Variants in GPAT4 observed in about 807,000 individuals in gnomAD.
GPAT4 encodes glycerol-3-phosphate acyltransferase 4, also known as 1-AGP acyltransferase 6.
GPAT4 carries 17 observed loss-of-function variants against 58.0 expected under a neutral mutation model. The observed-to-expected ratio is 0.29, with a 90% CI of 0.20 to 0.44. GPAT4 has a LOEUF of 0.44. Ranked by LOEUF, GPAT4 falls within the 20% of genes least tolerant of loss-of-function variation. The probability of loss-of-function intolerance (pLI) is 1.00; values close to 1 mark genes in which losing one functional copy is unlikely to be tolerated. For synonymous variants in GPAT4, 204 were observed against 210.1 expected (o/e 0.97, Z 0.25); for missense variants, 377 against 574.5 (o/e 0.66, Z 3.51).
intron 2 of GPAT4, among the ~76,000 whole-genome samples, chr8:41,600,934 T>C (rs1049614879): frequency 6.6e-6 from 1 of 152,110 alleles, no homozygotes; most frequent in Non-Finnish European, 1.5e-5. Context: ...TCACTACTTC[T>C]CTTCTGCTTG....
At chr8:41,602,049 G>A (rs1198782467) in intron 2 of GPAT4, among the ~76,000 whole-genome samples, 1 of 152,196 alleles carries the variant, frequency 6.6e-6, no homozygotes, top group Non-Finnish European at 1.5e-5. Context: ...CCTCGTCCTG[G>A]GTTCAAGCAA....
At chr8:41,583,181 C>T (rs1315925540) in intron 1 of GPAT4, among the ~76,000 whole-genome samples, 1 of 151,832 alleles carries the variant, frequency 6.6e-6, no homozygotes, top group Non-Finnish European at 1.5e-5. Flanking sequence ...GCAGAGATCG[C>T]ACCACTGCAC....
At chr8:41,580,201 A>T (rs966592209) in intron 1 of GPAT4, among the ~76,000 whole-genome samples, 7 of 152,236 alleles carry the variant, frequency 4.6e-5, no homozygotes, top group African/African-American at 1.7e-4. Flanking sequence ...TTCTGATAAT[A>T]GTTTTTAGGG....
rs985824755 is a variant in GPAT4, at chr8:41,614,533, G to C, written c.967+92G>C. The C allele has an allele frequency of 1.8e-5, 23 of 1,294,074 alleles. No homozygotes were observed. In the African/African-American group the frequency reaches 2.8e-4, roughly 16 times the overall value. The allele number at this position is 1,294,074 out of a possible 1,614,324, so 80.2% of individuals were successfully genotyped here. A position where few individuals can be genotyped will look rare whatever the true frequency, so the allele number is the denominator to read the frequency against. ...CTGGGAACCAAGGCCCTCAGCCCTT[G>C]TTGGGGTTATCTGTTTTCACTGAAT... is the stretch of plus-strand genomic sequence containing the variant. On this transcript the variant is annotated intron_variant, in intron 9 of 12. Transcript: ENST00000396987.
chr8:41,592,883 C>T (rs1802832175), intron 1 of GPAT4, among the ~76,000 whole-genome samples: 1 of 152,140 alleles, frequency 6.6e-6, no homozygotes, highest in African/African-American at 2.4e-5. Context: ...ATTACTAGCT[C>T]TAAGGAGTTA....
chr8:41,602,868 T>A (rs138283173), intron 2 of GPAT4, among the ~76,000 whole-genome samples: 156 of 152,276 alleles, frequency 1.0e-3, no homozygotes, highest in Admixed American at 2.4e-3. Flanking sequence ...TTCATAGACA[T>A]CTGTCTTCTC....
At chr8:41,612,393 A>G in intron 7 of GPAT4, 120 bp downstream of exon 7, 1 of 934,192 alleles carries the variant, frequency 1.1e-6, no homozygotes, top group Non-Finnish European at 1.6e-6. Flanking sequence ...CCCCCACCTT[A>G]CTGTCACTGT....
chr8:41,607,362 A>G (rs1422973350), intron 2 of GPAT4, among the ~76,000 whole-genome samples: 3 of 152,178 alleles, frequency 2.0e-5, no homozygotes, highest in African/African-American at 7.2e-5. Flanking sequence ...GAGATGTAGA[A>G]TCTCAATTAG....
At chr8:41,614,569 C>G (rs1803541396) in intron 9 of GPAT4, 128 bp downstream of exon 9, 1 of 936,026 alleles carries the variant, frequency 1.1e-6, no homozygotes, top group South Asian at 1.5e-5. Flanking sequence ...AATGTTAGGT[C>G]CCCTTTAGGT....
chr8:41,611,657 C>T (rs979640859), intron 5 of GPAT4, among the ~76,000 whole-genome samples: 4 of 152,252 alleles, frequency 2.6e-5, no homozygotes, highest in East Asian at 1.9e-4. Flanking sequence ...CTGCGGATGC[C>T]GGATTCTAGG....
intron 10 of GPAT4, among the ~76,000 whole-genome samples, chr8:41,618,297 A>T (rs1166860780): frequency 6.6e-6 from 1 of 152,230 alleles, no homozygotes; most frequent in African/African-American, 2.4e-5. Context: ...AGCAAGTGGG[A>T]AACGTTGGCG....
intron 2 of GPAT4, 36 bp downstream of exon 2, chr8:41,599,340 G>T: frequency 6.2e-7 from 1 of 1,610,588 alleles, no homozygotes; most frequent in East Asian, 2.2e-5. Context: ...GCTTCACAGA[G>T]GAGGGTAGAA....
chr8:41,610,862 G>T, intron 5 of GPAT4, 52 bp downstream of exon 5: 1 of 1,524,670 alleles, frequency 6.6e-7, no homozygotes. Context: ...TCTGGGAATG[G>T]TGCTCAGATA....
rs1803726524 is a variant in GPAT4 at position 41,620,820 on chromosome 8, G to T, written c.1263-73G>T. On this transcript the variant is annotated intron_variant, in intron 12 of 12. Coordinates refer to ENST00000396987, the MANE Select transcript of GPAT4 (RefSeq NM_178819.4). ...TTTTTCTTGGTGTTTGGGCAGCATGGTGCATCTCCCATGGTGTGAGCGTGG... is the reference window on the plus strand; with the variant it reads ...TTTTTCTTGGTGTTTGGGCAGCATGTTGCATCTCCCATGGTGTGAGCGTGG... 1.1e-5 allele frequency: 17 copies of T among 1,538,874 alleles called. No individual in the cohort carries two copies. In the South Asian group the frequency reaches 1.8e-4, roughly 16 times the overall value.
intron 1 of GPAT4, among the ~76,000 whole-genome samples, chr8:41,585,456 A>G (rs1802627605): frequency 6.6e-6 from 1 of 152,162 alleles, no homozygotes; most frequent in Admixed American, 6.5e-5. Flanking sequence ...ATTGGGCTAG[A>G]ATTCTGAAAG....
At chr8:41,619,315 C>G in intron 12 of GPAT4, 1 of 332,272 alleles carries the variant, frequency 3.0e-6, no homozygotes, top group Non-Finnish European at 5.6e-6. Context: ...TTCCCAGGTC[C>G]CAGTGTATCT....
At chr8:41,610,699 T>C (rs756345509) in intron 4 of GPAT4, 37 bp from the exon 5 acceptor site, 1 of 1,595,308 alleles carries the variant, frequency 6.3e-7, no homozygotes, top group East Asian at 2.2e-5. Flanking sequence ...GGTAGAATGA[T>C]TTGCTGGCTG....
At chr8:41,593,248 G>C (rs970225430) in intron 1 of GPAT4, among the ~76,000 whole-genome samples, 1 of 152,118 alleles carries the variant, frequency 6.6e-6, no homozygotes, top group African/African-American at 2.4e-5. Context: ...TGTGGACATG[G>C]GAGGCTCAGA....
chr8:41,591,363 G>T (rs1802784777), intron 1 of GPAT4, among the ~76,000 whole-genome samples: 1 of 152,174 alleles, frequency 6.6e-6, no homozygotes, highest in African/African-American at 2.4e-5. Flanking sequence ...CAGAAATTGG[G>T]CATAAGACAG....
Sources: allele counts gnomAD v4.1 joint callset (sites outside exome capture counted in the v4.1 genomes callset), GRCh38; gene constraint gnomAD v4.1.1; transcripts MANE v1.5; gene names NCBI Gene and HGNC (gene_info 2026-07-23, HGNC 2026-07-21).